The following PI4K2B variants were observed in gnomAD, a reference collection of about 807,000 sequenced individuals.
PI4K2B encodes phosphatidylinositol 4-kinase type 2-beta.
In PI4K2B, 46 loss-of-function variants were observed where a neutral mutation model predicts 56.6. That is an observed-to-expected ratio of 0.81 (90% CI 0.64 to 1.04). The LOEUF is 1.04. PI4K2B is among the 50% of genes least tolerant of loss of function. The probability of loss-of-function intolerance (pLI) is 0.00; values close to 1 mark genes in which losing one functional copy is unlikely to be tolerated. For synonymous variants in PI4K2B, 211 were observed against 223.8 expected (o/e 0.94, Z 0.51); for missense variants, 556 against 607.7 (o/e 0.91, Z 0.89).
chr4:25,250,405 C>G (rs1329326293), intron 1 of PI4K2B: 1 of 152,186 alleles, frequency 6.6e-6, no homozygotes, highest in Non-Finnish European at 1.5e-5. Context: ...TGAGAACACA[C>G]AGACACATAG....
intron 9 of PI4K2B, among the ~76,000 whole-genome samples, chr4:25,269,752 A>C (rs996457682): frequency 3.3e-5 from 5 of 151,242 alleles, no homozygotes; most frequent in Admixed American, 1.3e-4. Context: ...CTCGCTCTGT[A>C]GCCCAGGCTG....
Position 25,243,613 on chromosome 4 carries a change from C to T in PI4K2B, c.269-8708C>T, listed in dbSNP as rs148838199. 4.8e-3 allele frequency among the ~76,000 whole-genome samples: 733 copies of T among 152,314 alleles called. 3 individuals carry two copies. Among genetic ancestry groups the T allele is most frequent in the African/African-American group, 0.016 (676 of 41,562 alleles). ...CAGGCCTTGCTTTTGGAGCTTTCTC[C>T]TGATATCTGTGGCTGATTGGGTAAT... On this transcript the variant is annotated intron_variant, in intron 1 of 9. Transcript: ENST00000264864.
At chr4:25,239,146 T>A (rs572452257) in intron 1 of PI4K2B, among the ~76,000 whole-genome samples, 125 of 152,284 alleles carry the variant, frequency 8.2e-4, no homozygotes, top group African/African-American at 2.9e-3. Flanking sequence ...GTTCTCTAAG[T>A]CCCCACTAGA....
rs11737332 is a variant in PI4K2B at position 25,274,016 on chromosome 4, C to T, written c.1273-2998C>T. On this transcript the variant is annotated intron_variant, in intron 9 of 9. Coordinates refer to ENST00000264864, the MANE Select transcript of PI4K2B (RefSeq NM_018323.4). The stretch of plus-strand genomic sequence containing the variant: ...CTGTATCTAGGAAACAGTTTTTCTT[C>T]CAACATCCACGTCAGTCTTCCTAAA... Among the ~76,000 whole-genome samples, 2,124 of 152,224 alleles carry T rather than the reference C, an allele frequency of 0.014. 112 individuals carry two copies. In the East Asian group the frequency reaches 0.18, roughly 13 times the overall value.
chr4:25,239,070 T>C (rs933155574), intron 1 of PI4K2B, among the ~76,000 whole-genome samples: 2 of 152,152 alleles, frequency 1.3e-5, no homozygotes, highest in Non-Finnish European at 2.9e-5. Flanking sequence ...TTGGTGCATT[T>C]ACAAACCTTG....
chr4:25,246,679 T>C (rs940587217), intron 1 of PI4K2B, among the ~76,000 whole-genome samples: 2 of 152,130 alleles, frequency 1.3e-5, no homozygotes, highest in African/African-American at 4.8e-5. Flanking sequence ...CAGAGGGTGG[T>C]GCTTGTTGGG....
intron 1 of PI4K2B, 57 bp from the exon 2 acceptor site, chr4:25,252,264 G>A (rs939654962): frequency 3.9e-5 from 50 of 1,285,460 alleles, no homozygotes; most frequent in Non-Finnish European, 5.2e-5. Flanking sequence ...CAAGCTAATC[G>A]ATATTACAGG....
In PI4K2B at chr4:25,234,133, G is replaced by C; in HGVS notation, c.-31G>C. On this transcript the variant is annotated 5_prime_UTR_variant, in exon 1 of 10. Transcript: ENST00000264864. Reference sequence around the variant, plus strand: ...CTCTGGCACCTGGCTGCTCTGATCTGGTCTCAGCGCGGAGGGAGCAGAGGG... The same window carrying C: ...CTCTGGCACCTGGCTGCTCTGATCTCGTCTCAGCGCGGAGGGAGCAGAGGG... 7.6e-7 allele frequency: 1 copy of C among 1,311,448 alleles called. No homozygotes were observed. Among genetic ancestry groups the C allele is most frequent in the Non-Finnish European group, 9.7e-7 (1 of 1,026,896 alleles). The allele number at this position is 1,311,448 out of a possible 1,614,324, so 81.2% of individuals were successfully genotyped here.
chr4:25,242,403 G>A (rs1715564220), intron 1 of PI4K2B, among the ~76,000 whole-genome samples: 1 of 152,258 alleles, frequency 6.6e-6, no homozygotes, highest in Non-Finnish European at 1.5e-5. Flanking sequence ...GTTGGGACTT[G>A]TGGTCTGTGG....
intron 1 of PI4K2B, among the ~76,000 whole-genome samples, chr4:25,234,715 T>C (rs745614768): frequency 2.0e-5 from 3 of 152,226 alleles, no homozygotes; most frequent in Non-Finnish European, 2.9e-5. Flanking sequence ...AAACCGACAC[T>C]GGGGAGAGGT....
chr4:25,268,389 A>G (rs3115232), intron 7 of PI4K2B, 54 bp from the exon 8 acceptor site: 147,343 of 1,446,596 alleles, frequency 0.1, 8,673 homozygotes, highest in South Asian at 0.19. Context: ...GAAAAATGTA[A>G]GTCTAAATAA....
chr4:25,240,526 G>A (rs551595840), intron 1 of PI4K2B, among the ~76,000 whole-genome samples: 1 of 152,262 alleles, frequency 6.6e-6, no homozygotes, highest in South Asian at 2.1e-4. Context: ...ATGGAGTTGA[G>A]CTTTGAGGGG....
chr4:25,254,695 A>T (rs1716190239), intron 2 of PI4K2B, among the ~76,000 whole-genome samples: 1 of 152,182 alleles, frequency 6.6e-6, no homozygotes, highest in Admixed American at 6.5e-5. Context: ...TACAGGTGTG[A>T]GCCACCGTGC....
At chr4:25,249,472 C>T (rs1323377561) in intron 1 of PI4K2B, among the ~76,000 whole-genome samples, 34 of 146,520 alleles carry the variant, frequency 2.3e-4, no homozygotes, top group African/African-American at 5.1e-4. Context: ...GGCGGCTGGC[C>T]GGGCGGGGGC....
In PI4K2B at chr4:25,255,926, G is replaced by A. The variant is rs142955987; in HGVS notation, c.625-617G>A. On this transcript the variant is annotated intron_variant, in intron 3 of 9. Transcript: ENST00000264864. ...TGCGCCTGGCACCCACATCCTTTCTGTTCTTTTCTTTTTTTTGAGACAGGG... is the reference window on the plus strand; with the variant it reads ...TGCGCCTGGCACCCACATCCTTTCTATTCTTTTCTTTTTTTTGAGACAGGG... Among the ~76,000 whole-genome samples the A allele has an allele frequency of 6.2e-3, 943 of 150,928 alleles. 10 individuals are homozygous for A. Among genetic ancestry groups the A allele is most frequent in the African/African-American group, 0.022 (889 of 41,002 alleles).
At chr4:25,247,459 C>G (rs1715837835) in intron 1 of PI4K2B, among the ~76,000 whole-genome samples, 1 of 152,238 alleles carries the variant, frequency 6.6e-6, no homozygotes, top group African/African-American at 2.4e-5. Flanking sequence ...AGATGGATGC[C>G]TGTTCACCTG....
chr4:25,255,930 T>C (rs1716247689), intron 3 of PI4K2B, among the ~76,000 whole-genome samples: 1 of 151,900 alleles, frequency 6.6e-6, no homozygotes, highest in African/African-American at 2.4e-5. Context: ...CTTTCTGTTC[T>C]TTTCTTTTTT....
chr4:25,266,358 C>T (rs1560378474), intron 7 of PI4K2B, among the ~76,000 whole-genome samples: 1 of 152,126 alleles, frequency 6.6e-6, no homozygotes, highest in Non-Finnish European at 1.5e-5. Flanking sequence ...TAACTTTTAT[C>T]ATTTTGTTTT....
chr4:25,277,022 C>G lies in PI4K2B; in HGVS notation c.1281C>G (p.Asn427Lys), dbSNP rs1174063715. 5.7e-6 allele frequency: 9 copies of G among 1,583,532 alleles called. No homozygotes were observed. The highest frequency in any genetic ancestry group is 1.1e-5 in the South Asian group (1 of 87,368). The change falls in exon 10 of 10, where the codon AAC becomes AAG. Residue 427 changes from asparagine (N) to lysine (K), a missense_variant. Transcript: ENST00000264864. Reference protein sequence around the residue: ...QMSVMRGQILNLTQALRDGKS... With the variant: ...QMSVMRGQILKLTQALRDGKS... ...CTCTCTTCTTCCCACAGATCTTAAA[C>G]CTTACTCAGGCATTGAGAGACGGGA...
Sources: allele counts gnomAD v4.1 joint callset (sites outside exome capture counted in the v4.1 genomes callset), GRCh38; gene constraint gnomAD v4.1.1; transcripts MANE v1.5; gene names NCBI Gene and HGNC (gene_info 2026-07-23, HGNC 2026-07-21).